The following SNX16 variants were observed in gnomAD, a reference collection of about 807,000 sequenced individuals.
SNX16 encodes the protein sorting nexin 16, also known as sorting nexin-16.
In SNX16, 35 loss-of-function variants were observed where a neutral mutation model predicts 36.7. The ratio of observed to expected loss-of-function variants is 0.95; its 90% CI spans 0.73 to 1.27. The LOEUF is 1.27. Ranked by LOEUF, SNX16 falls within the 50% of genes most tolerant of loss-of-function variation. The pLI is 0.00. For missense variants in SNX16, 367 were observed against 393.6 expected (o/e 0.93, Z 0.57); for synonymous variants, 134 against 132.0 (o/e 1.02, Z -0.10).
intron 3 of SNX16, among the ~76,000 whole-genome samples, chr8:81,827,076 G>A (rs890179282): frequency 6.6e-6 from 1 of 152,112 alleles, no homozygotes; most frequent in Non-Finnish European, 1.5e-5. Context: ...CAACTGATGG[G>A]TAGAGCTCTT....
intron 5 of SNX16, chr8:81,808,369 G>T: frequency 7.6e-7 from 1 of 1,311,092 alleles, no homozygotes; most frequent in Non-Finnish European, 1.1e-6. Context: ...AGTGGTTCTG[G>T]AAACTTTGGT....
chr8:81,839,440 G>A (rs984317639), intron 2 of SNX16, among the ~76,000 whole-genome samples, 172 bp downstream of exon 2: 2 of 152,124 alleles, frequency 1.3e-5, no homozygotes, highest in East Asian at 3.9e-4. Context: ...AATTTATTAA[G>A]GTAAAGCAAA....
intron 2 of SNX16, among the ~76,000 whole-genome samples, chr8:81,833,965 G>T (rs921105129): frequency 7.2e-5 from 11 of 152,102 alleles, no homozygotes; most frequent in Admixed American, 2.6e-4. Flanking sequence ...CAAAAAGTGT[G>T]CAATTCATAA....
intron 2 of SNX16, among the ~76,000 whole-genome samples, chr8:81,835,179 A>G (rs1345088130): frequency 3.3e-5 from 5 of 152,130 alleles, no homozygotes; most frequent in African/African-American, 4.8e-5. Context: ...CCTGAGCTCT[A>G]TGTTGGCCCC....
chr8:81,815,245 T>C, intron 5 of SNX16, 80 bp downstream of exon 5: 1 of 1,088,258 alleles, frequency 9.2e-7, no homozygotes, highest in Non-Finnish European at 1.3e-6. Context: ...TGCTGTTTGC[T>C]ATTCCATCCA....
At chr8:81,808,922 A>G (rs1236091098) in intron 5 of SNX16, among the ~76,000 whole-genome samples, 2 of 152,208 alleles carry the variant, frequency 1.3e-5, no homozygotes, top group East Asian at 3.8e-4. Context: ...GACTAATTGT[A>G]TAACAGGTTA....
chr8:81,809,454 C>A (rs563772755), intron 5 of SNX16, among the ~76,000 whole-genome samples: 45 of 151,202 alleles, frequency 3.0e-4, no homozygotes, highest in Middle Eastern at 3.4e-3. Context: ...AAAAAAAGAC[C>A]TGAGTGTGAA....
chr8:81,826,949 T>C (rs77638741), intron 3 of SNX16, among the ~76,000 whole-genome samples: 11 of 152,310 alleles, frequency 7.2e-5, no homozygotes, highest in African/African-American at 2.6e-4. Flanking sequence ...ATGATTGATT[T>C]TGTAAAATGA....
Position 81,800,206 on chromosome 8 carries a change from T to C in SNX16, c.*1291A>G, listed in dbSNP as rs564595539. On this transcript the variant is annotated 3_prime_UTR_variant, in exon 8 of 8. Coordinates refer to ENST00000345957, the MANE Select transcript of SNX16 (RefSeq NM_152836.3). ...ATTGTTATTCTATTTCCCCAGTAAGTTTCCCTCAGTTTTTAGAAAGCATAC... is the reference window on the plus strand; with the variant it reads ...ATTGTTATTCTATTTCCCCAGTAAGCTTCCCTCAGTTTTTAGAAAGCATAC... 6.6e-6 allele frequency: 1 copy of C among 151,876 alleles called. No homozygotes were observed. 9.4% of individuals were successfully genotyped at this position (151,876 alleles called of 1,614,324 possible).
chr8:81,810,406 A>G (rs1420800079), intron 5 of SNX16, among the ~76,000 whole-genome samples: 2 of 152,158 alleles, frequency 1.3e-5, no homozygotes, highest in Non-Finnish European at 2.9e-5. Flanking sequence ...GTGGGTTAAT[A>G]AGTCATTTTG....
chr8:81,804,701 C>A (rs1388770960), intron 5 of SNX16, among the ~76,000 whole-genome samples: 1 of 151,964 alleles, frequency 6.6e-6, no homozygotes, highest in Non-Finnish European at 1.5e-5. Context: ...ATGTTTAAAA[C>A]AGCCATATTT....
chr8:81,807,518 C>CAAAAAAAAAA (rs71268027), intron 5 of SNX16, among the ~76,000 whole-genome samples: 24 of 49,324 alleles, frequency 4.9e-4, no homozygotes, highest in African/African-American at 8.5e-4. Flanking sequence ...GACTCTGTCT[C>CAAAAAAAAAA]AAAAAAAAAA....
chr8:81,816,202 G>T (rs1027301616), intron 4 of SNX16, among the ~76,000 whole-genome samples: 1 of 105,378 alleles, frequency 9.5e-6, no homozygotes, highest in Non-Finnish European at 2.0e-5. Context: ...TTTTTAAGAC[G>T]AGTCTCGCTC....
At chr8:81,807,512 C>G (rs532478405) in intron 5 of SNX16, among the ~76,000 whole-genome samples, 76 of 81,218 alleles carry the variant, frequency 9.4e-4, no homozygotes, top group African/African-American at 4.1e-3. Context: ...GTTTGAGACT[C>G]TGTCTCAAAA....
At chr8:81,823,637 A>T (rs995431973) in intron 4 of SNX16, among the ~76,000 whole-genome samples, 155 bp downstream of exon 4, 4 of 152,168 alleles carry the variant, frequency 2.6e-5, no homozygotes, top group African/African-American at 7.2e-5. Context: ...AAAGAAAGCA[A>T]GAAAATCTCT....
At chr8:81,808,929 G>A (rs1303495901) in intron 5 of SNX16, among the ~76,000 whole-genome samples, 1 of 151,644 alleles carries the variant, frequency 6.6e-6, no homozygotes, top group African/African-American at 2.4e-5. Flanking sequence ...TGTATAACAG[G>A]TTATTTTAGT....
chr8:81,823,250 T>C (rs1810857230), intron 4 of SNX16, among the ~76,000 whole-genome samples: 2 of 151,802 alleles, frequency 1.3e-5, no homozygotes, highest in African/African-American at 4.8e-5. Context: ...GATACTCAGC[T>C]GATATTGAAC....
intron 4 of SNX16, among the ~76,000 whole-genome samples, chr8:81,817,606 T>G (rs767051123): frequency 6.6e-6 from 1 of 152,216 alleles, no homozygotes; most frequent in Non-Finnish European, 1.5e-5. Context: ...AATGTTAATT[T>G]ACATAAAACC....
intron 3 of SNX16, among the ~76,000 whole-genome samples, chr8:81,824,519 C>T (rs964454766): frequency 1.3e-5 from 2 of 151,132 alleles, no homozygotes; most frequent in African/African-American, 4.9e-5. Context: ...ATGGTTTATG[C>T]TTTTTTTTAG....
Sources: gnomAD v4.1 joint callset for allele counts (sites outside exome capture counted in the v4.1 genomes callset) on GRCh38, gnomAD v4.1.1 for gene constraint, MANE v1.5 for transcripts, NCBI Gene and HGNC (gene_info 2026-07-23, HGNC 2026-07-21) for gene names.